The following LRRC7 variants were observed in gnomAD, a reference collection of about 807,000 sequenced individuals.
LRRC7 encodes leucine rich repeat containing 7, also known as leucine-rich repeat-containing protein 7.
A neutral mutation model predicts 175.7 loss-of-function variants in LRRC7; 23 were observed. The ratio of observed to expected loss-of-function variants is 0.13; its 90% CI spans 0.09 to 0.19. The LOEUF is 0.19. LRRC7 is among the 10% of genes least tolerant of loss of function. LRRC7 has a pLI of 1.00. For missense variants in LRRC7, 1,354 were observed against 1,904.7 expected, an observed-to-expected ratio of 0.71 and a Z score of 5.38; for synonymous variants, 685 against 680.9, an observed-to-expected ratio of 1.01 and a Z score of -0.09.
chr1:69,673,257 C>G (rs1054565127), intron 1 of LRRC7, among the ~76,000 whole-genome samples: 1 of 152,182 alleles, frequency 6.6e-6, no homozygotes, highest in Non-Finnish European at 1.5e-5. Flanking sequence ...TTTTGAGACT[C>G]TAGCCAAATT....
At chr1:69,812,499 CTAATT>C (rs761907740) in intron 4 of LRRC7, among the ~76,000 whole-genome samples, 3 of 141,970 alleles carry the variant, frequency 2.1e-5, no homozygotes, top group Non-Finnish European at 4.9e-5. Context: ...TAAGTTTAAT[CTAATT>C]TAATAGGTAT....
chr1:70,050,699 A>G (rs2102057909), intron 22 of LRRC7, among the ~76,000 whole-genome samples: 1 of 152,208 alleles, frequency 6.6e-6, no homozygotes, highest in Non-Finnish European at 1.5e-5. Context: ...AGCCTTTAAT[A>G]GAATTTTAAC....
chr1:69,720,621 C>CAT (rs34367361), intron 2 of LRRC7, among the ~76,000 whole-genome samples: 65,933 of 150,580 alleles, frequency 0.44, 14,585 homozygotes, highest in Admixed American at 0.5. Flanking sequence ...ATCCTGGAAA[C>CAT]TTTCTGTGTT....
intron 1 of LRRC7, among the ~76,000 whole-genome samples, chr1:69,604,862 A>C (rs1383126454): frequency 6.6e-6 from 1 of 152,188 alleles, no homozygotes; most frequent in Non-Finnish European, 1.5e-5. Flanking sequence ...TTTACTACTA[A>C]TGACATTACA....
intron 1 of LRRC7, among the ~76,000 whole-genome samples, chr1:69,584,312 T>A (rs1342834337): frequency 6.6e-6 from 1 of 152,170 alleles, no homozygotes; most frequent in Non-Finnish European, 1.5e-5. Context: ...TACTCTTTGT[T>A]GCCTAACCTC....
chr1:69,727,974 A>C (rs1271614674), intron 2 of LRRC7, among the ~76,000 whole-genome samples: 1 of 152,190 alleles, frequency 6.6e-6, no homozygotes, highest in Non-Finnish European at 1.5e-5. Context: ...CCTCGTGTCA[A>C]CCATTTTTAT....
At chr1:69,717,771 AAAGAAAG>A (rs1665563503) in intron 2 of LRRC7, among the ~76,000 whole-genome samples, 1 of 9,644 alleles carries the variant, frequency 1.0e-4, no homozygotes, top group South Asian at 3.7e-3. Context: ...AAAAAGAAAA[AAAGAAAG>A]AAAGAAAGAA....
intron 1 of LRRC7, among the ~76,000 whole-genome samples, chr1:69,631,243 C>T (rs926170799): frequency 6.6e-6 from 1 of 152,048 alleles, no homozygotes; most frequent in African/African-American, 2.4e-5. Flanking sequence ...TTGCCCTTAC[C>T]AAGGCTGCAA....
intron 22 of LRRC7, among the ~76,000 whole-genome samples, chr1:70,049,808 A>G (rs768293727): frequency 1.3e-5 from 2 of 152,216 alleles, no homozygotes; most frequent in Non-Finnish European, 2.9e-5. Flanking sequence ...TAATATAACA[A>G]TAATTTCACT....
intron 1 of LRRC7, among the ~76,000 whole-genome samples, chr1:69,615,905 C>T (rs1296602970): frequency 6.6e-6 from 1 of 152,008 alleles, no homozygotes; most frequent in East Asian, 1.9e-4. Flanking sequence ...CCCACTTACG[C>T]CCCACCATAG....
chr1:70,008,131 A>G (rs1656155474), intron 11 of LRRC7, among the ~76,000 whole-genome samples: 1 of 152,186 alleles, frequency 6.6e-6, no homozygotes, highest in Non-Finnish European at 1.5e-5. Flanking sequence ...CCAAAACTGA[A>G]GAACTTGGAG....
At chr1:69,886,057 T>A (rs1687154351) in intron 7 of LRRC7, among the ~76,000 whole-genome samples, 1 of 150,052 alleles carries the variant, frequency 6.7e-6, no homozygotes, top group East Asian at 2.0e-4. Context: ...AATTTTGGAA[T>A]AGGTGTGGTG....
At chr1:69,722,131 A>G (rs1367758218) in intron 2 of LRRC7, among the ~76,000 whole-genome samples, 1 of 124,536 alleles carries the variant, frequency 8.0e-6, no homozygotes, top group Non-Finnish European at 1.7e-5. Context: ...ATGTAAGCCT[A>G]TGTACACATA....
chr1:69,720,126 G>T (rs1666190868), intron 2 of LRRC7, among the ~76,000 whole-genome samples: 1 of 151,420 alleles, frequency 6.6e-6, no homozygotes, highest in Non-Finnish European at 1.5e-5. Flanking sequence ...ATAAACTTGG[G>T]TTTATATCTA....
intron 7 of LRRC7, among the ~76,000 whole-genome samples, chr1:69,853,241 T>G (rs1683184493): frequency 6.6e-6 from 1 of 150,880 alleles, no homozygotes; most frequent in African/African-American, 2.4e-5. Context: ...AATTAGCACC[T>G]TCCATTTGTT....
intron 24 of LRRC7, among the ~76,000 whole-genome samples, chr1:70,082,267 G>A (rs1335989765): frequency 6.6e-6 from 1 of 152,202 alleles, no homozygotes; most frequent in Non-Finnish European, 1.5e-5. Context: ...GAATAGTTCA[G>A]TAAAGGTATT....
chr1:69,692,957 G>C (rs1662078261), intron 2 of LRRC7, among the ~76,000 whole-genome samples: 1 of 152,178 alleles, frequency 6.6e-6, no homozygotes, highest in African/African-American at 2.4e-5. Context: ...TAGAACAAAA[G>C]TGTGGCTCTG....
intron 25 of LRRC7, among the ~76,000 whole-genome samples, chr1:70,100,306 T>G (rs1015748365): frequency 1.3e-5 from 2 of 152,150 alleles, no homozygotes; most frequent in Non-Finnish European, 2.9e-5. Context: ...AATAAATTGC[T>G]TATTTTTGGT....
chr1:69,826,137 C>T (rs2101249602), intron 5 of LRRC7, among the ~76,000 whole-genome samples: 1 of 152,174 alleles, frequency 6.6e-6, no homozygotes, highest in African/African-American at 2.4e-5. Flanking sequence ...TAGTAATGGT[C>T]ATGGTGGAAA....
Sources: gnomAD v4.1 joint callset for allele counts (sites outside exome capture counted in the v4.1 genomes callset) on GRCh38, gnomAD v4.1.1 for gene constraint, MANE v1.5 for transcripts, NCBI Gene and HGNC (gene_info 2026-07-23, HGNC 2026-07-21) for gene names.